The following HSPG2 variants were observed in gnomAD, a reference collection of about 807,000 sequenced individuals.
HSPG2 encodes basement membrane-specific heparan sulfate proteoglycan core protein.
A neutral mutation model predicts 526.6 loss-of-function variants in HSPG2; 278 were observed. The ratio of observed to expected loss-of-function variants is 0.53; its 90% CI spans 0.48 to 0.58. HSPG2 has a LOEUF of 0.58. Among genes scored for constraint, HSPG2 ranks in the 20% least tolerant of loss-of-function variants. The pLI is 0.00. For synonymous variants in HSPG2, 2,465 were observed against 2,555.4 expected, an observed-to-expected ratio of 0.96 and a Z score of 1.07; for missense variants, 5,354 against 6,099.5, an observed-to-expected ratio of 0.88 and a Z score of 4.07.
intron 42 of HSPG2, 44 bp from the exon 43 acceptor site, chr1:21,857,429 C>T (rs1332076489): frequency 1.3e-6 from 2 of 1,564,552 alleles, no homozygotes; most frequent in African/African-American, 2.7e-5. Flanking sequence ...GCTGGCTAGG[C>T]CCCGGTCCTG....
chr1:21,906,090 T>C (rs1426234136), intron 1 of HSPG2, among the ~76,000 whole-genome samples: 1 of 152,228 alleles, frequency 6.6e-6, no homozygotes, highest in African/African-American at 2.4e-5. Context: ...TTGCCCATAG[T>C]CACAGGGTTG....
rs1639607569 is a variant in HSPG2, at chr1:21,859,474, C to A, written c.5293+92G>T. 2 of 992,760 alleles carry A rather than the reference C, an allele frequency of 2.0e-6. No homozygotes were observed. The highest frequency in any genetic ancestry group is 3.1e-6 in the Non-Finnish European group (2 of 640,290). The allele number at this position is 992,760 out of a possible 1,614,324, so 61.5% of individuals were successfully genotyped here. A position where few individuals can be genotyped will look rare whatever the true frequency, so the allele number is the denominator to read the frequency against. ...CTTGTTCGGGCAACCACTGCCCCCT[C>A]CCAGCAGGTGAATGCACCATCTGCC... is the stretch of plus-strand genomic sequence containing the variant. On this transcript the variant is annotated intron_variant, in intron 42 of 96. Coordinates refer to ENST00000374695, the MANE Select transcript of HSPG2 (RefSeq NM_005529.7). The surrounding 1 kb of genome is among the most constrained non-coding windows in gnomAD (Gnocchi z 5.3).
rs371373748 is a variant in HSPG2 at position 21,857,045 on chromosome 1, C to T, written c.5545G>A (p.Asp1849Asn). 8 of 1,614,036 alleles carry T rather than the reference C, an allele frequency of 5.0e-6. No homozygotes were observed. In the African/African-American group the frequency reaches 5.3e-5, roughly 11 times the overall value. ...VCTGSNMFAM[D>N]QGTATLHVQA... ...ACATGTAGAGTGGCTGTGCCCTGGT[C>T]CATGGCAAACATGTTGGAGCCGGTG... Residue 1849 changes from aspartate to asparagine, a missense_variant, in exon 44 of 97, where the codon GAC (aspartate) becomes AAC (asparagine). Asp to Asn is a conservative substitution (Grantham distance 23). Coordinates refer to ENST00000374695, the MANE Select transcript of HSPG2 (RefSeq NM_005529.7).
At chr1:21,917,434 A>AAAGT (rs1354708042) in intron 1 of HSPG2, among the ~76,000 whole-genome samples, 31 of 134,986 alleles carry the variant, frequency 2.3e-4, no homozygotes, top group South Asian at 1.2e-3. Context: ...CCCTGTCTCA[A>AAAGT]AAGTAAATAA....
chr1:21,900,344 AG>A (rs1643029420), intron 1 of HSPG2, among the ~76,000 whole-genome samples: 1 of 152,206 alleles, frequency 6.6e-6, no homozygotes, highest in Non-Finnish European at 1.5e-5. Flanking sequence ...GGATGCAGGC[AG>A]GGTGACCCCC....
At position 21,838,822 on chromosome 1, in the gene HSPG2, T is replaced by C. The variant is rs200774989; in HGVS notation, c.10150+3A>G. ...CCTTCCACGCAGAGCCGGGGCTGCT[T>C]ACCTTGGACGAGCAGCTGGGCAAAG... On this transcript the variant is annotated splice_donor_region_variant and intron_variant, in intron 74 of 96. Transcript: ENST00000374695. 6.2e-6 allele frequency: 10 copies of C among 1,611,698 alleles called. No homozygotes were observed. The highest frequency in any genetic ancestry group is 7.6e-6 in the Non-Finnish European group (9 of 1,179,546).
chr1:21,860,437 G>A (rs983547785), intron 39 of HSPG2, among the ~76,000 whole-genome samples: 3 of 152,208 alleles, frequency 2.0e-5, no homozygotes, highest in Non-Finnish European at 4.4e-5. Flanking sequence ...AGTGTTAGCA[G>A]GTTGGGTGAT....
intron 64 of HSPG2, among the ~76,000 whole-genome samples, chr1:21,845,901 C>T (rs558344251): frequency 6.6e-6 from 1 of 152,192 alleles, no homozygotes; most frequent in Non-Finnish European, 1.5e-5. Flanking sequence ...AGCCTATGCT[C>T]GCAAGCCGTG....
chr1:21,852,110 C>G lies in HSPG2; in HGVS notation c.6848G>C (p.Gly2283Ala), dbSNP rs111507574. The G allele has an allele frequency of 1.9e-6, 3 of 1,613,706 alleles. No homozygotes were observed. Among genetic ancestry groups the G allele is most frequent in the Admixed American group, 3.3e-5 (2 of 60,028 alleles). The part of the protein sequence containing the change: ...HAQVTWYKRG[G>A]SLPARHQVRG... ...TACCTGGTGCCGGGCAGGGAGGCTG[C>G]CCCCACGCTTGTACCATGTGACCTG... The change falls in exon 53 of 97, where the codon GGC becomes GCC. Residue 2283 changes from glycine (G) to alanine (A), a missense_variant. Transcript: ENST00000374695.
At chr1:21,883,618 C>A (rs552556755) in intron 13 of HSPG2, among the ~76,000 whole-genome samples, 33 of 152,346 alleles carry the variant, frequency 2.2e-4, no homozygotes, top group South Asian at 6.2e-4. Flanking sequence ...AGCCACCATG[C>A]CTGGCCAGGT....
chr1:21,867,297 G>A (rs1250995045), intron 33 of HSPG2, among the ~76,000 whole-genome samples: 1 of 151,904 alleles, frequency 6.6e-6, no homozygotes, highest in Non-Finnish European at 1.5e-5. Context: ...TGTTGCTTAA[G>A]CTGGTCTCAA....
At chr1:21,919,923 T>C (rs1643988274) in intron 1 of HSPG2, among the ~76,000 whole-genome samples, 1 of 152,250 alleles carries the variant, frequency 6.6e-6, no homozygotes, top group Non-Finnish European at 1.5e-5. Flanking sequence ...TTTTTCTTTT[T>C]TGAGACAGAG....
chr1:21,852,344 T>C, intron 52 of HSPG2, 111 bp from the exon 53 acceptor site: 3 of 1,382,178 alleles, frequency 2.2e-6, no homozygotes, highest in Non-Finnish European at 3.0e-6. Context: ...AGATCCAGCT[T>C]TTCAGGCATC....
rs1396052475 is a variant in HSPG2 at position 21,885,100 on chromosome 1, G to C, written c.1268C>G (p.Thr423Arg). ...RESIQASRGQ[T>R]VTFTCVAIGV... Reference sequence around the variant, plus strand: ...AATGGCCACGCAGGTGAAGGTCACTGTCTGGCCCCGGGAAGCCTGGATGGA... The same window carrying C: ...AATGGCCACGCAGGTGAAGGTCACTCTCTGGCCCCGGGAAGCCTGGATGGA... The change falls in exon 11 of 97, where the codon ACA becomes AGA. Residue 423 changes from threonine to arginine, a missense_variant. Physicochemically the swap from Thr to Arg is moderately conservative, Grantham distance 71. Coordinates refer to ENST00000374695, the MANE Select transcript of HSPG2 (RefSeq NM_005529.7). 2 of 1,613,516 alleles carry C rather than the reference G, an allele frequency of 1.2e-6. No homozygotes were observed.
intron 64 of HSPG2, among the ~76,000 whole-genome samples, chr1:21,845,461 CT>C (rs1638352649): frequency 6.6e-6 from 1 of 152,090 alleles, no homozygotes; most frequent in African/African-American, 2.4e-5. Context: ...TCACTGCAAC[CT>C]CTGCCTCCTG....
In HSPG2 at chr1:21,839,561, G is replaced by T; in HGVS notation, c.9710-11C>A. Reference sequence around the variant, plus strand: ...TGGGCGCGGGGCTGCCTGTGGAGTCGAGTGGAAGATGACAGAAGTCACTGG... The same window carrying T: ...TGGGCGCGGGGCTGCCTGTGGAGTCTAGTGGAAGATGACAGAAGTCACTGG... On this transcript the variant is annotated splice_polypyrimidine_tract_variant and intron_variant, in intron 72 of 96. Coordinates refer to ENST00000374695, the MANE Select transcript of HSPG2 (RefSeq NM_005529.7). The surrounding 1 kb of genome is among the most constrained non-coding windows in gnomAD (Gnocchi z 4.5). 2 of 1,613,450 alleles carry T rather than the reference G, an allele frequency of 1.2e-6. No individual in the cohort carries two copies. Among genetic ancestry groups the T allele is most frequent in the Non-Finnish European group, 8.5e-7 (1 of 1,179,766 alleles).
At position 21,824,849 on chromosome 1, in the gene HSPG2, AC is replaced by A; in HGVS notation, c.12590-71del. 7.2e-7 allele frequency: 1 copy of A among 1,388,996 alleles called. No homozygotes were observed. Among genetic ancestry groups the A allele is most frequent in the African/African-American group, 1.4e-5 (1 of 69,164 alleles). The allele number at this position is 1,388,996 out of a possible 1,614,324, so 86.0% of individuals were successfully genotyped here. On this transcript the variant is annotated intron_variant, in intron 91 of 96. Coordinates refer to ENST00000374695, the MANE Select transcript of HSPG2 (RefSeq NM_005529.7). This position sits in a 1 kb window ranked among gnomAD's most constrained non-coding sequence, Gnocchi z 5.9. ...TCAAAATCCCCCGTCAGTTCCCCTG[AC>A]CCCCACCTCCACGCCAACATGCAGG...
At chr1:21,917,847 T>A (rs945392554) in intron 1 of HSPG2, among the ~76,000 whole-genome samples, 1 of 152,142 alleles carries the variant, frequency 6.6e-6, no homozygotes, top group African/African-American at 2.4e-5. Flanking sequence ...AATTTCTACC[T>A]CAGAACACTA....
At position 21,884,780 on chromosome 1, in the gene HSPG2, G is replaced by A. The variant is rs187648591; in HGVS notation, c.1494C>T (p.Leu498=). 109 of 1,613,602 alleles carry A rather than the reference G, an allele frequency of 6.8e-5. 1 individual carries two copies. The Middle Eastern group carries it at 3.1e-3, about 46-fold the overall frequency. The change falls in exon 12 of 97, where the codon CTC becomes CTT. Residue 498 remains leucine (L), a synonymous_variant. Coordinates refer to ENST00000374695, the MANE Select transcript of HSPG2 (RefSeq NM_005529.7). ...VFGIPDGVLE[L]VPQRGPCPDG... is the part of the protein sequence containing the mutation. ...CTCCGGCAGTACCTCGTTGTGGGAC[G>A]AGCTCAAGGACACCGTCAGGAATGC... is the stretch of plus-strand genomic sequence containing the variant.
Sources: allele counts gnomAD v4.1 joint callset (sites outside exome capture counted in the v4.1 genomes callset), GRCh38; gene constraint gnomAD v4.1.1; non-coding constraint Gnocchi (gnomAD v3.1); transcripts MANE v1.5; gene names NCBI Gene and HGNC (gene_info 2026-07-23, HGNC 2026-07-21).